The following GRIA1 variants were observed in gnomAD, a reference collection of about 807,000 sequenced individuals.
GRIA1 encodes the protein glutamate ionotropic receptor AMPA type subunit 1, also known as glutamate receptor 1.
Under a neutral mutation model 99.2 loss-of-function variants are expected in GRIA1, and 31 were observed. That is an observed-to-expected ratio of 0.31 (90% CI 0.23 to 0.42). The LOEUF is 0.42. Among genes scored for constraint, GRIA1 ranks in the 10% least tolerant of loss-of-function variants. The probability of loss-of-function intolerance (pLI) is 1.00; values close to 1 mark genes in which losing one functional copy is unlikely to be tolerated. For synonymous variants in GRIA1, 438 were observed against 432.4 expected (o/e 1.01, Z -0.16); for missense variants, 782 against 1,157.5 (o/e 0.68, Z 4.71).
At chr5:153,719,813 A>G (rs2149538187) in intron 11 of GRIA1, among the ~76,000 whole-genome samples, 1 of 152,254 alleles carries the variant, frequency 6.6e-6, no homozygotes, top group African/African-American at 2.4e-5. Flanking sequence ...AATCTGCCAT[A>G]CTTTATATAT....
chr5:153,794,712 G>A lies in GRIA1; in HGVS notation c.2362G>A (p.Gly788Ser), dbSNP rs368111555. ...NKWWYDKGECGSGGGDSKDKT... is the reference protein window; with the variant it reads ...NKWWYDKGECSSGGGDSKDKT... The stretch of plus-strand genomic sequence containing the variant: ...ATGGTGGTACGACAAGGGCGAGTGC[G>A]GCAGCGGGGGAGGTGATTCCAAGGT... The change falls in exon 14 of 16, where the codon GGC becomes AGC. Residue 788 changes from glycine (G) to serine (S), a missense_variant. Coordinates refer to ENST00000285900, the MANE Select transcript of GRIA1 (RefSeq NM_000827.4). The A allele has an allele frequency of 1.2e-5, 19 of 1,612,706 alleles. No individual in the cohort carries two copies. Among genetic ancestry groups the A allele is most frequent in the African/African-American group, 5.3e-5 (4 of 74,962 alleles).
intron 11 of GRIA1, among the ~76,000 whole-genome samples, chr5:153,744,785 G>A (rs1177243503): frequency 6.6e-6 from 1 of 152,166 alleles, no homozygotes; most frequent in African/African-American, 2.4e-5. Context: ...AGGTTCTAGA[G>A]AATTATGAAG....
At chr5:153,563,968 A>G (rs995921451) in intron 2 of GRIA1, among the ~76,000 whole-genome samples, 3 of 152,234 alleles carry the variant, frequency 2.0e-5, no homozygotes, top group African/African-American at 7.2e-5. Flanking sequence ...ACAGAAACTT[A>G]GGCTGCTGGG....
At chr5:153,598,551 G>C (rs917225176) in intron 2 of GRIA1, among the ~76,000 whole-genome samples, 1 of 152,124 alleles carries the variant, frequency 6.6e-6, no homozygotes, top group Admixed American at 6.5e-5. Context: ...GCAGAGGTGA[G>C]GGAAGGACTC....
intron 13 of GRIA1, 137 bp from the exon 14 acceptor site, chr5:153,794,484 G>A: frequency 1.5e-6 from 1 of 666,174 alleles, no homozygotes. Flanking sequence ...AGTGATGTTG[G>A]GGGCAGGGCA....
intron 2 of GRIA1, among the ~76,000 whole-genome samples, chr5:153,592,898 G>C (rs368512200): frequency 2.0e-4 from 31 of 152,228 alleles, no homozygotes; most frequent in African/African-American, 7.5e-4. Flanking sequence ...AGAGAGAGGA[G>C]AGAGAGAGAG....
At chr5:153,601,085 G>A (rs1221147815) in intron 2 of GRIA1, among the ~76,000 whole-genome samples, 4 of 152,198 alleles carry the variant, frequency 2.6e-5, no homozygotes, top group East Asian at 3.8e-4. Flanking sequence ...TCATTCATTC[G>A]CTGGATGAAC....
chr5:153,507,135 TAATA>T (rs1180978080), intron 2 of GRIA1, among the ~76,000 whole-genome samples: 1 of 151,848 alleles, frequency 6.6e-6, no homozygotes, highest in Non-Finnish European at 1.5e-5. Flanking sequence ...AAAATAATAA[TAATA>T]AATAAATAAA....
At chr5:153,498,335 T>C (rs1352261478) in intron 2 of GRIA1, among the ~76,000 whole-genome samples, 1 of 152,216 alleles carries the variant, frequency 6.6e-6, no homozygotes, top group Non-Finnish European at 1.5e-5. Context: ...CTGTGTTGTG[T>C]CTTTATAGGT....
At chr5:153,554,125 G>A (rs753178965) in intron 2 of GRIA1, among the ~76,000 whole-genome samples, 1 of 152,172 alleles carries the variant, frequency 6.6e-6, no homozygotes, top group Non-Finnish European at 1.5e-5. Flanking sequence ...TGAGTTGTAA[G>A]TTATGTGGCA....
intron 2 of GRIA1, among the ~76,000 whole-genome samples, chr5:153,640,892 A>C (rs1363193846): frequency 6.6e-6 from 1 of 152,170 alleles, no homozygotes; most frequent in Admixed American, 6.5e-5. Flanking sequence ...CAGAATCCTA[A>C]GTAAATGTGA....
At position 153,624,727 on chromosome 5, in the gene GRIA1, T is replaced by A. The variant is rs147509669; in HGVS notation, c.221-22201T>A. ...GCTCTGGCCACAGACCGAAAAGGAC[T>A]TTATCTTTACTCATCCCTACCAGAT... is the stretch of plus-strand genomic sequence containing the variant. On this transcript the variant is annotated intron_variant, in intron 2 of 15. Coordinates refer to ENST00000285900, the MANE Select transcript of GRIA1 (RefSeq NM_000827.4). Among the ~76,000 whole-genome samples the A allele has an allele frequency of 2.3e-3, 350 of 152,316 alleles. 4 individuals are homozygous for A. Among genetic ancestry groups the A allele is most frequent in the African/African-American group, 8.3e-3 (345 of 41,574 alleles).
chr5:153,500,769 A>T (rs1754939525), intron 2 of GRIA1, among the ~76,000 whole-genome samples: 1 of 151,714 alleles, frequency 6.6e-6, no homozygotes, highest in Admixed American at 6.6e-5. Context: ...ATATATATGT[A>T]TATATTTGTA....
chr5:153,542,025 G>A (rs530162951), intron 2 of GRIA1, among the ~76,000 whole-genome samples: 135 of 151,022 alleles, frequency 8.9e-4, no homozygotes, highest in Middle Eastern at 3.5e-3. Flanking sequence ...TGAACTTTGG[G>A]CATCACCTTG....
chr5:153,652,263 G>C (rs1051567182), intron 4 of GRIA1, among the ~76,000 whole-genome samples: 3 of 152,012 alleles, frequency 2.0e-5, no homozygotes, highest in South Asian at 2.1e-4. Flanking sequence ...AGTGCCAAAT[G>C]ATAATGACAT....
intron 2 of GRIA1, among the ~76,000 whole-genome samples, chr5:153,635,096 G>A (rs1753252190): frequency 6.6e-6 from 1 of 152,150 alleles, no homozygotes; most frequent in Non-Finnish European, 1.5e-5. Flanking sequence ...AAGTTCATGG[G>A]TATGCATTAC....
At chr5:153,548,002 C>T (rs1381262785) in intron 2 of GRIA1, among the ~76,000 whole-genome samples, 4 of 152,100 alleles carry the variant, frequency 2.6e-5, no homozygotes, top group Admixed American at 6.5e-5. Context: ...TTTATTGTGA[C>T]ATTGTCTTTT....
At chr5:153,572,108 G>A (rs1252120413) in intron 2 of GRIA1, among the ~76,000 whole-genome samples, 1 of 152,202 alleles carries the variant, frequency 6.6e-6, no homozygotes, top group African/African-American at 2.4e-5. Context: ...TGTAATATAC[G>A]ATTGTTTAAT....
At chr5:153,765,496 C>T (rs909658823) in intron 12 of GRIA1, among the ~76,000 whole-genome samples, 3 of 152,186 alleles carry the variant, frequency 2.0e-5, no homozygotes, top group Admixed American at 1.3e-4. Flanking sequence ...ACAGGGTAGA[C>T]GTGTAAACAT....
Sources: gnomAD v4.1 joint callset for allele counts (sites outside exome capture counted in the v4.1 genomes callset) on GRCh38, gnomAD v4.1.1 for gene constraint, MANE v1.5 for transcripts, NCBI Gene and HGNC (gene_info 2026-07-23, HGNC 2026-07-21) for gene names.